Variants in USH2A observed in about 807,000 individuals in gnomAD.
USH2A encodes Usher syndrome 2A (autosomal recessive, mild).
USH2A carries 443 observed loss-of-function variants against 538.9 expected under a neutral mutation model. The ratio of observed to expected loss-of-function variants is 0.82; its 90% CI spans 0.76 to 0.89. USH2A has a LOEUF of 0.89. USH2A is among the 40% of genes least tolerant of loss of function. The pLI, the probability that USH2A is intolerant of heterozygous loss-of-function variation, is 0.00. For missense variants in USH2A, 6,633 were observed against 6,324.8 expected (o/e 1.05, Z -1.65); for synonymous variants, 2,413 against 2,273.5 (o/e 1.06, Z -1.75).
chr1:216,060,255 G>T (rs2031130659), intron 30 of USH2A, among the ~76,000 whole-genome samples: 1 of 152,194 alleles, frequency 6.6e-6, no homozygotes, highest in African/African-American at 2.4e-5. Context: ...AATCATGTGT[G>T]AGTGACCCCC....
rs1159551018 is a variant in USH2A, at chr1:216,289,325, G to A, written c.1926C>T (p.Asp642=). The A allele has an allele frequency of 3.7e-6, 6 of 1,613,860 alleles. No individual in the cohort carries two copies. In the African/African-American group the frequency reaches 5.3e-5, roughly 14 times the overall value. ...PSAIDVCKPC[D]CDTVGTRNGS... ...CATTTCTAGTGCCAACTGTATCACA[G>A]TCACAGGGTTTGCAAACATCTATGG... Residue 642 remains aspartate (D), a synonymous_variant, in exon 11 of 72, where the codon GAC becomes GAT. Coordinates refer to ENST00000307340, the MANE Select transcript of USH2A (RefSeq NM_206933.4).
chr1:216,177,349 A>C (rs555015806), intron 20 of USH2A, among the ~76,000 whole-genome samples: 4 of 152,138 alleles, frequency 2.6e-5, no homozygotes, highest in African/African-American at 9.7e-5. Flanking sequence ...TGCCATCTGT[A>C]TATCTTCTTT....
At chr1:215,865,559 T>C (rs1332462928) in intron 44 of USH2A, among the ~76,000 whole-genome samples, 2 of 151,910 alleles carry the variant, frequency 1.3e-5, no homozygotes, top group Non-Finnish European at 2.9e-5. Context: ...TGAGGTGGAG[T>C]AGAGAGCAAG....
chr1:216,135,174 A>T (rs2033460623), intron 21 of USH2A, among the ~76,000 whole-genome samples: 1 of 125,460 alleles, frequency 8.0e-6, no homozygotes, highest in African/African-American at 3.5e-5. Context: ...TCTCACACAC[A>T]CACATACACA....
intron 20 of USH2A, among the ~76,000 whole-genome samples, chr1:216,177,153 T>C (rs2034404681): frequency 6.6e-6 from 1 of 152,172 alleles, no homozygotes; most frequent in African/African-American, 2.4e-5. Context: ...TCTTCCAAAG[T>C]GGCTGTACCA....
intron 19 of USH2A, among the ~76,000 whole-genome samples, chr1:216,193,281 T>C (rs1331122842): frequency 6.6e-6 from 1 of 152,128 alleles, no homozygotes; most frequent in Admixed American, 6.6e-5. Context: ...ATCGGTAGAC[T>C]AACCTGTTTA....
intron 38 of USH2A, among the ~76,000 whole-genome samples, chr1:215,924,994 A>C (rs1225559137): frequency 6.6e-6 from 1 of 152,070 alleles, no homozygotes; most frequent in Non-Finnish European, 1.5e-5. Context: ...TCTTTTTCTA[A>C]GGTGTTTTTA....
rs766831217 is a variant in USH2A at position 216,198,625 on chromosome 1, A to G, written c.3812-41T>C. On this transcript the variant is annotated intron_variant, in intron 17 of 71. Coordinates refer to ENST00000307340, the MANE Select transcript of USH2A (RefSeq NM_206933.4). ...AGTGAACCTACGTAACTCATCAGAC[A>G]AAGGGGTTACTTTAGGGGTAGGGTA... is the stretch of plus-strand genomic sequence containing the variant. 3 of 1,589,784 alleles carry G rather than the reference A, an allele frequency of 1.9e-6. No homozygotes were observed. In the South Asian group the frequency reaches 3.3e-5, roughly 18 times the overall value.
intron 21 of USH2A, among the ~76,000 whole-genome samples, chr1:216,126,907 T>C (rs2033265429): frequency 6.6e-6 from 1 of 152,212 alleles, no homozygotes; most frequent in African/African-American, 2.4e-5. Flanking sequence ...ATAATGTGGT[T>C]AGCTGGAATA....
At chr1:216,232,336 C>T (rs948934843) in intron 13 of USH2A, among the ~76,000 whole-genome samples, 200 bp from the exon 14 acceptor site, 1 of 152,080 alleles carries the variant, frequency 6.6e-6, no homozygotes. Flanking sequence ...GACTTGGGTG[C>T]CTCCCAGGTC....
intron 61 of USH2A, among the ~76,000 whole-genome samples, chr1:215,685,164 G>A (rs1658376061): frequency 6.6e-6 from 1 of 152,030 alleles, no homozygotes; most frequent in African/African-American, 2.4e-5. Flanking sequence ...ATGTCGTAAT[G>A]TAGACAAATC....
Position 216,196,735 on chromosome 1 carries a change from A to G in USH2A, c.4082-13T>C. ...ATGAATACAGGTGCTATCAATGAGA[A>G]CAATAACAATAACATCAAAACAATG... On this transcript the variant is annotated splice_polypyrimidine_tract_variant and intron_variant, in intron 18 of 71. Transcript: ENST00000307340. 6.2e-7 allele frequency: 1 copy of G among 1,610,752 alleles called. No individual in the cohort carries two copies. The highest frequency in any genetic ancestry group is 8.5e-7 in the Non-Finnish European group (1 of 1,178,130).
chr1:215,823,783 G>A (rs1437730739), intron 47 of USH2A, among the ~76,000 whole-genome samples: 1 of 151,460 alleles, frequency 6.6e-6, no homozygotes, highest in African/African-American at 2.4e-5. Flanking sequence ...TCTCAAGTTT[G>A]TTGATGCTTT....
intron 30 of USH2A, among the ~76,000 whole-genome samples, chr1:216,064,546 T>C (rs2031290198): frequency 6.6e-6 from 1 of 151,928 alleles, no homozygotes; most frequent in Non-Finnish European, 1.5e-5. Flanking sequence ...GAAAACAATG[T>C]TGAATTAAAG....
In USH2A at chr1:216,070,064, G is replaced by A. The variant is rs17026013; in HGVS notation, c.6049+37C>T. 3.0e-3 allele frequency: 4,745 copies of A among 1,607,990 alleles called. 146 individuals are homozygous for A. The African/African-American group carries it at 0.057, about 19-fold the overall frequency. ...TATTTAAAATGCAAACAAAAAGGAA[G>A]TTAATAGGGTCTACTCTGTTAAAGG... On this transcript the variant is annotated intron_variant, in intron 30 of 71. Transcript: ENST00000307340.
intron 32 of USH2A, among the ~76,000 whole-genome samples, chr1:216,005,680 G>A (rs546085726): frequency 6.6e-6 from 1 of 152,102 alleles, no homozygotes; most frequent in South Asian, 2.1e-4. Context: ...TAAGACAAAG[G>A]AGATTTACCA....
intron 61 of USH2A, among the ~76,000 whole-genome samples, chr1:215,720,429 T>C (rs1386434199): frequency 1.3e-5 from 2 of 152,148 alleles, no homozygotes; most frequent in African/African-American, 2.4e-5. Context: ...GTCAAAAGGG[T>C]CTTCTGAAAT....
chr1:216,183,710 T>C (rs1193625665), intron 20 of USH2A, among the ~76,000 whole-genome samples: 1 of 152,028 alleles, frequency 6.6e-6, no homozygotes, highest in African/African-American at 2.4e-5. Context: ...GAGTGCTGCA[T>C]GATTCATGGC....
Position 215,790,083 on chromosome 1 carries a change from C to T in USH2A, c.10158G>A (p.Lys3386=), listed in dbSNP as rs768747539. The T allele has an allele frequency of 1.2e-6, 2 of 1,613,492 alleles. No homozygotes were observed. Among genetic ancestry groups the T allele is most frequent in the Non-Finnish European group, 8.5e-7 (1 of 1,179,938 alleles). Residue 3386 remains lysine (K), a synonymous_variant, in exon 51 of 72, where the codon AAG becomes AAA. Coordinates refer to ENST00000307340, the MANE Select transcript of USH2A (RefSeq NM_206933.4). The part of the protein sequence containing the change: ...YNPLKYVCSD[K]ISTGMMMKET... ...CCTTCATCATCATTCCAGTTGAAAT[C>T]TTGTCAGAGCAAACATATTTCAAAG...
Sources: gnomAD v4.1 joint callset for allele counts (sites outside exome capture counted in the v4.1 genomes callset) on GRCh38, gnomAD v4.1.1 for gene constraint, MANE v1.5 for transcripts, NCBI Gene and HGNC (gene_info 2026-07-23, HGNC 2026-07-21) for gene names.